The following NKTR variants were observed in gnomAD, a reference collection of about 807,000 sequenced individuals.
NKTR encodes NK-tumor recognition protein.
NKTR carries 67 observed loss-of-function variants against 156.3 expected under a neutral mutation model. The ratio of observed to expected loss-of-function variants is 0.43; its 90% CI spans 0.35 to 0.53. The LOEUF (loss-of-function observed/expected upper bound fraction) is 0.53. Among genes scored for constraint, NKTR ranks in the 20% least tolerant of loss-of-function variants. The probability of loss-of-function intolerance (pLI) is 0.01; values close to 1 mark genes in which losing one functional copy is unlikely to be tolerated. For missense variants in NKTR, 1,604 were observed against 1,730.9 expected (o/e 0.93, Z 1.30); for synonymous variants, 640 against 596.6 (o/e 1.07, Z -1.06).
At chr3:42,640,900 G>A (rs1709833222) in intron 13 of NKTR, among the ~76,000 whole-genome samples, 1 of 152,112 alleles carries the variant, frequency 6.6e-6, no homozygotes, top group South Asian at 2.1e-4. Flanking sequence ...CCTATTGAGC[G>A]ACTCCAGCTT....
At chr3:42,615,704 G>T (rs1707292437) in intron 2 of NKTR, among the ~76,000 whole-genome samples, 1 of 152,276 alleles carries the variant, frequency 6.6e-6, no homozygotes, top group East Asian at 1.9e-4. Flanking sequence ...GGATTGCAAA[G>T]ATCTAAGTCT....
rs374856331 is a variant in NKTR, at chr3:42,644,514, C to T, written c.4301+511C>T. Among the ~76,000 whole-genome samples, 14 of 152,138 alleles carry T rather than the reference C, an allele frequency of 9.2e-5. No individual in the cohort carries two copies. The East Asian group carries it at 2.1e-3, about 23-fold the overall frequency. On this transcript the variant is annotated intron_variant, in intron 16 of 16. Transcript: ENST00000232978. ...TCTTTATGTTAACTTTTGTACTGTC[C>T]TTTTCTGGTGGCTTCTGGTCTTGCC...
chr3:42,620,164 A>C, intron 5 of NKTR: 1 of 1,360,266 alleles, frequency 7.4e-7, no homozygotes, highest in Non-Finnish European at 9.5e-7. Context: ...GAAGACTTGG[A>C]AAATTCTGTG....
intron 7 of NKTR, chr3:42,630,830 G>T: frequency 7.5e-7 from 1 of 1,332,086 alleles, no homozygotes. Flanking sequence ...TTTCTCTTCA[G>T]TTTTCCAAAA....
At position 42,638,493 on chromosome 3, in the gene NKTR, A is replaced by G; in HGVS notation, c.2789A>G (p.Lys930Arg). The change falls in exon 13 of 17, where the codon AAA becomes AGA. Residue 930 changes from lysine to arginine, a missense_variant. Physicochemically the swap from Lys to Arg is conservative, Grantham distance 26. Coordinates refer to ENST00000232978, the MANE Select transcript of NKTR (RefSeq NM_005385.4). Reference protein sequence around the residue: ...SEVSEIHIKVKPTTKSSTNTS... With the variant: ...SEVSEIHIKVRPTTKSSTNTS... The stretch of plus-strand genomic sequence containing the variant: ...GTTAGTGAAATTCACATCAAAGTCA[A>G]ACCCACAACCAAGTCGTCCACAAAT... 6.2e-7 allele frequency: 1 copy of G among 1,611,300 alleles called. No homozygotes were observed. Among genetic ancestry groups the G allele is most frequent in the Non-Finnish European group, 8.5e-7 (1 of 1,179,200 alleles).
intron 2 of NKTR, among the ~76,000 whole-genome samples, chr3:42,610,861 C>G (rs1706723914): frequency 6.6e-6 from 1 of 152,096 alleles, no homozygotes; most frequent in Non-Finnish European, 1.5e-5. Flanking sequence ...AGTAATTCAT[C>G]TATATCTAAA....
intron 1 of NKTR, 25 bp from the exon 2 acceptor site, chr3:42,600,959 C>A (rs1364731683): frequency 2.0e-6 from 3 of 1,484,524 alleles, no homozygotes; most frequent in Non-Finnish European, 2.7e-6. Flanking sequence ...CCTGCCCTGA[C>A]CGCTTTTCTC....
At chr3:42,635,085 T>G (rs1244569183) in intron 11 of NKTR, 136 bp from the exon 12 acceptor site, 6 of 524,246 alleles carry the variant, frequency 1.1e-5, no homozygotes, top group Non-Finnish European at 1.9e-5. Flanking sequence ...AAAAGAACTT[T>G]AGACCATCCT....
At chr3:42,616,691 C>T (rs1368985140) in intron 2 of NKTR, among the ~76,000 whole-genome samples, 4 of 152,122 alleles carry the variant, frequency 2.6e-5, no homozygotes, top group African/African-American at 7.2e-5. Context: ...CTTGTAATCT[C>T]GTGTTTGTTG....
At position 42,636,939 on chromosome 3, in the gene NKTR, A is replaced by T. The variant is rs759861965; in HGVS notation, c.1235A>T (p.Asn412Ile). The change falls in exon 13 of 17, where the codon AAT becomes ATT. Residue 412 changes from asparagine (N) to isoleucine (I), a missense_variant. Asn to Ile is a moderately radical substitution (Grantham distance 149). Around this residue, in one of 6 missense-constraint regions of NKTR, gnomAD observed 1,255 missense variants for 1,243.7 expected, o/e 1.01. Coordinates refer to ENST00000232978, the MANE Select transcript of NKTR (RefSeq NM_005385.4). ...LSQRSRSWSY[N>I]GYYSDLSTAR... ...CAGAGATCCAGATCATGGTCCTATA[A>T]TGGATATTATTCAGACCTTAGTACA... 6.2e-7 allele frequency: 1 copy of T among 1,600,470 alleles called. No individual in the cohort carries two copies. Among genetic ancestry groups the T allele is most frequent in the Non-Finnish European group, 8.5e-7 (1 of 1,176,842 alleles).
chr3:42,636,406 C>G (rs141204897), intron 12 of NKTR, among the ~76,000 whole-genome samples: 1 of 152,102 alleles, frequency 6.6e-6, no homozygotes, highest in African/African-American at 2.4e-5. Context: ...ATCTGGATTA[C>G]CTGTCTGAGG....
In NKTR at chr3:42,608,249, C is replaced by T. The variant is rs114556603; in HGVS notation, c.58+7185C>T. Among the ~76,000 whole-genome samples, 463 of 152,060 alleles carry T rather than the reference C, an allele frequency of 3.0e-3. 3 individuals carry two copies. The highest frequency in any genetic ancestry group is 0.011 in the African/African-American group (443 of 41,502). On this transcript the variant is annotated intron_variant, in intron 2 of 16. Coordinates refer to ENST00000232978, the MANE Select transcript of NKTR (RefSeq NM_005385.4). ...CAGGTAATCCACCCACCTCGGCCTC[C>T]GTGAGCCACTGCGCCTGGCTTCTGA... is the stretch of plus-strand genomic sequence containing the variant.
intron 2 of NKTR, among the ~76,000 whole-genome samples, chr3:42,611,552 T>G (rs1439275742): frequency 6.6e-6 from 1 of 151,898 alleles, no homozygotes; most frequent in Non-Finnish European, 1.5e-5. Flanking sequence ...GCCAACATGG[T>G]GAAACCCCAT....
At chr3:42,606,873 T>C (rs1706287530) in intron 2 of NKTR, among the ~76,000 whole-genome samples, 1 of 152,048 alleles carries the variant, frequency 6.6e-6, no homozygotes, top group African/African-American at 2.4e-5. Context: ...TTTGGCTTTT[T>C]TTTTAGAGAC....
At chr3:42,640,158 A>G (rs148004516) in intron 13 of NKTR, among the ~76,000 whole-genome samples, 2,151 of 152,340 alleles carry the variant, frequency 0.014, 22 homozygotes, top group Middle Eastern at 0.027. Flanking sequence ...AGGGCCAGAG[A>G]GACAAAGTTA....
At chr3:42,627,516 T>G (rs1708496609) in intron 6 of NKTR, 1 of 985,166 alleles carries the variant, frequency 1.0e-6, no homozygotes, top group Admixed American at 6.2e-5. Context: ...ATTAGTCATT[T>G]CTGTATAAGG....
chr3:42,630,273 G>C (rs932070031), intron 6 of NKTR: 1 of 1,191,308 alleles, frequency 8.4e-7, no homozygotes, highest in Non-Finnish European at 1.0e-6. Flanking sequence ...TGTATTTATG[G>C]CTACAAGTCA....
chr3:42,640,319 G>A (rs1709777661), intron 13 of NKTR, among the ~76,000 whole-genome samples: 1 of 152,102 alleles, frequency 6.6e-6, no homozygotes, highest in African/African-American at 2.4e-5. Context: ...AAGGTTTTTT[G>A]TTATTGTTAT....
intron 13 of NKTR, among the ~76,000 whole-genome samples, chr3:42,640,362 A>C (rs962734396): frequency 6.6e-6 from 1 of 152,250 alleles, no homozygotes; most frequent in Non-Finnish European, 1.5e-5. Flanking sequence ...CATAGAATGG[A>C]TAACAGAGAT....
Sources: allele counts gnomAD v4.1 joint callset (sites outside exome capture counted in the v4.1 genomes callset), GRCh38; gene constraint gnomAD v4.1.1; regional missense constraint gnomAD v4.1.1; transcripts MANE v1.5; gene names NCBI Gene and HGNC (gene_info 2026-07-23, HGNC 2026-07-21).